FBXW8: variants seen among roughly 807,000 people sequenced by gnomAD.
FBXW8 encodes the protein F-box and WD repeat domain containing 8.
Under a neutral mutation model 65.3 loss-of-function variants are expected in FBXW8, and 57 were observed. The ratio of observed to expected loss-of-function variants is 0.87; its 90% CI spans 0.71 to 1.09. The LOEUF (loss-of-function observed/expected upper bound fraction) is 1.09, where lower values mean the gene tolerates loss of function less well. Ranked by LOEUF, FBXW8 falls within the 50% of genes least tolerant of loss-of-function variation. The probability of loss-of-function intolerance (pLI) is 0.00; values close to 1 mark genes in which losing one functional copy is unlikely to be tolerated. For missense variants in FBXW8, 777 were observed against 814.8 expected, an observed-to-expected ratio of 0.95 and a Z score of 0.57; for synonymous variants, 308 against 330.2, an observed-to-expected ratio of 0.93 and a Z score of 0.73.
In FBXW8 at chr12:117,030,263, A is replaced by G. The variant is rs1289691142; in HGVS notation, c.*2091A>G. 6.6e-6 allele frequency: 1 copy of G among 152,194 alleles called. No homozygotes were observed. The highest frequency in any genetic ancestry group is 1.5e-5 in the Non-Finnish European group (1 of 68,042). 9.4% of individuals were successfully genotyped at this position (152,194 alleles called of 1,614,324 possible). On this transcript the variant is annotated 3_prime_UTR_variant, in exon 11 of 11. Transcript: ENST00000652555. Reference sequence around the variant, plus strand: ...TGGGAAGCGTCACCTTCCCGTCCAGAGCGCTTTCTTTCAGACCCTGCCTAC... The same window carrying G: ...TGGGAAGCGTCACCTTCCCGTCCAGGGCGCTTTCTTTCAGACCCTGCCTAC...
At chr12:117,020,354 G>A (rs1220571174) in intron 8 of FBXW8, among the ~76,000 whole-genome samples, 1 of 152,138 alleles carries the variant, frequency 6.6e-6, no homozygotes, top group African/African-American at 2.4e-5. Flanking sequence ...TCTTAGATAT[G>A]TATTTTGTGT....
intron 2 of FBXW8, among the ~76,000 whole-genome samples, chr12:116,934,101 C>G (rs1183299188): frequency 6.6e-6 from 1 of 152,090 alleles, no homozygotes; most frequent in Non-Finnish European, 1.5e-5. Context: ...TACTGGGAGG[C>G]CTTTGAGATT....
intron 7 of FBXW8, among the ~76,000 whole-genome samples, chr12:117,000,118 A>G (rs1490126651): frequency 6.6e-6 from 1 of 151,560 alleles, no homozygotes; most frequent in Admixed American, 6.6e-5. Context: ...AGTAGCTGGG[A>G]CTACAGGCGC....
At position 116,996,337 on chromosome 12, in the gene FBXW8, G is replaced by A. The variant is rs557245719; in HGVS notation, c.1239+7468G>A. On this transcript the variant is annotated intron_variant, in intron 7 of 10. Coordinates refer to ENST00000652555, the MANE Select transcript of FBXW8 (RefSeq NM_153348.3). ...CTTATGATAATTATTCCCCATACAC[G>A]GACGTGAAGAGACTCTGGATTGGTT... is the stretch of plus-strand genomic sequence containing the variant. 2.6e-5 allele frequency among the ~76,000 whole-genome samples: 4 copies of A among 152,140 alleles called. No homozygotes were observed. In the East Asian group the frequency reaches 7.7e-4, roughly 29 times the overall value.
intron 4 of FBXW8, among the ~76,000 whole-genome samples, chr12:116,960,478 CA>C (rs1565915180): frequency 6.6e-6 from 1 of 152,142 alleles, no homozygotes; most frequent in Non-Finnish European, 1.5e-5. Context: ...ACCTTTTGGT[CA>C]TGGAGAATGA....
rs1411692959 is a variant in FBXW8 at position 117,028,160 on chromosome 12, T to G, written c.1785T>G (p.Tyr595Ter). The change falls in exon 11 of 11, where the codon TAT becomes TAG. Residue 595 changes from tyrosine to a stop codon, truncating the protein, a stop_gained. Coordinates refer to ENST00000652555, the MANE Select transcript of FBXW8 (RefSeq NM_153348.3). LOFTEE classifies it high-confidence loss of function. The surrounding 1 kb of genome is among the most constrained non-coding windows in gnomAD (Gnocchi z 4.1). ...HYYDLALAFPYNHV is the reference protein window; with the variant it reads ...HYYDLALAFP Reference sequence around the variant, plus strand: ...ACGACCTCGCACTGGCCTTTCCCTATAACCATGTTTAGGGATGTGCCTCAG... The same window carrying G: ...ACGACCTCGCACTGGCCTTTCCCTAGAACCATGTTTAGGGATGTGCCTCAG... The G allele has an allele frequency of 6.2e-7, 1 of 1,614,106 alleles. No individual in the cohort carries two copies. Among genetic ancestry groups the G allele is most frequent in the Admixed American group, 1.7e-5 (1 of 60,022 alleles).
At chr12:117,014,585 TTTG>T (rs1430405331) in intron 8 of FBXW8, among the ~76,000 whole-genome samples, 3 of 152,222 alleles carry the variant, frequency 2.0e-5, no homozygotes, top group Non-Finnish European at 4.4e-5. Flanking sequence ...ACGAATGATT[TTTG>T]TTTTGTTTTG....
In FBXW8 at chr12:117,024,178, A is replaced by G. The variant is rs745387186; in HGVS notation, c.1399A>G (p.Ile467Val). The G allele has an allele frequency of 7.4e-6, 12 of 1,614,126 alleles. No homozygotes were observed. Among genetic ancestry groups the G allele is most frequent in the South Asian group, 2.2e-5 (2 of 91,078 alleles). ...GATCCACGACCTCCGCAGTGGTAAC[A>G]TCGCCCTGTCGCTCTCCGCCCATCA... ...VRIHDLRSGN[I>V]ALSLSAHQLR... is the part of the protein sequence containing the mutation. Residue 467 changes from isoleucine to valine, a missense_variant, in exon 9 of 11, where the codon ATC becomes GTC. Ile to Val is a conservative substitution (Grantham distance 29, BLOSUM62 3). Coordinates refer to ENST00000652555, the MANE Select transcript of FBXW8 (RefSeq NM_153348.3).
chr12:116,940,485 A>G (rs1252239479), intron 2 of FBXW8, among the ~76,000 whole-genome samples: 1 of 119,736 alleles, frequency 8.4e-6, no homozygotes, highest in Non-Finnish European at 1.9e-5. Flanking sequence ...TGGTGGAAGG[A>G]TGGTGGGCTT....
intron 6 of FBXW8, 32 bp downstream of exon 6, chr12:116,985,434 T>C (rs1217834369): frequency 2.5e-6 from 4 of 1,598,704 alleles, no homozygotes; most frequent in African/African-American, 2.7e-5. Flanking sequence ...TCTTATTTTC[T>C]ATTCTTAGAA....
At position 117,028,275 on chromosome 12, in the gene FBXW8, G is replaced by T. The variant is rs759982690; in HGVS notation, c.*103G>T. The T allele has an allele frequency of 2.8e-6, 4 of 1,425,484 alleles. No homozygotes were observed. The highest frequency in any genetic ancestry group is 3.8e-6 in the Non-Finnish European group (4 of 1,050,904). The allele number at this position is 1,425,484 out of a possible 1,614,324, so 88.3% of individuals were successfully genotyped here. A position where few individuals can be genotyped will look rare whatever the true frequency, so the allele number is the denominator to read the frequency against. Reference sequence around the variant, plus strand: ...CACAGGTGGTAAACATTTAGGGGAAGAAAGCAGCCCAGGGTGCCATGCCTG... The same window carrying T: ...CACAGGTGGTAAACATTTAGGGGAATAAAGCAGCCCAGGGTGCCATGCCTG... On this transcript the variant is annotated 3_prime_UTR_variant, in exon 11 of 11. Transcript: ENST00000652555. This position sits in a 1 kb window ranked among gnomAD's most constrained non-coding sequence, Gnocchi z 4.1.
intron 8 of FBXW8, 86 bp downstream of exon 8, chr12:117,010,536 TCTCA>T: frequency 6.3e-7 from 1 of 1,582,944 alleles, no homozygotes; most frequent in Non-Finnish European, 8.6e-7. Context: ...ACTGCCCGGT[TCTCA>T]CTCAACAGCT....
In FBXW8 at chr12:117,024,191, T is replaced by A; in HGVS notation, c.1412T>A (p.Leu471His). ...DLRSGNIALS[L>H]SAHQLRVSAV... ...CGCAGTGGTAACATCGCCCTGTCGC[T>A]CTCCGCCCATCAGCTCAGGGTCTCT... Residue 471 changes from leucine (L) to histidine (H), a missense_variant, in exon 9 of 11, where the codon CTC (leucine) becomes CAC (histidine). Leu to His is a moderately conservative substitution (Grantham distance 99). Transcript: ENST00000652555. 1.9e-6 allele frequency: 3 copies of A among 1,614,152 alleles called. No individual in the cohort carries two copies. The highest frequency in any genetic ancestry group is 2.5e-6 in the Non-Finnish European group (3 of 1,180,030).
intron 8 of FBXW8, among the ~76,000 whole-genome samples, chr12:117,018,122 G>A (rs1257236077): frequency 2.6e-5 from 4 of 152,146 alleles, no homozygotes; most frequent in African/African-American, 7.2e-5. Flanking sequence ...CTCCTCTGTT[G>A]GAGTCTTTGG....
Position 116,944,485 on chromosome 12 carries a change from C to A in FBXW8, c.424-879C>A, listed in dbSNP as rs2393111. Among the ~76,000 whole-genome samples the A allele has an allele frequency of 9.1e-4, 138 of 152,088 alleles. 1 individual carries two copies. Among genetic ancestry groups the A allele is most frequent in the Admixed American group, 9.0e-3 (138 of 15,292 alleles). On this transcript the variant is annotated intron_variant, in intron 2 of 10. Coordinates refer to ENST00000652555, the MANE Select transcript of FBXW8 (RefSeq NM_153348.3). ...AGAGTACAGGGTACTGTAACCTACCCGCTACCACTCTTCATTAGAAGTGAG... is the reference window on the plus strand; with the variant it reads ...AGAGTACAGGGTACTGTAACCTACCAGCTACCACTCTTCATTAGAAGTGAG...
At chr12:116,917,862 C>G (rs920108542) in intron 1 of FBXW8, among the ~76,000 whole-genome samples, 3 of 151,934 alleles carry the variant, frequency 2.0e-5, no homozygotes, top group Admixed American at 6.6e-5. Flanking sequence ...TGTGGTGGCA[C>G]GTGCCTGTAG....
intron 2 of FBXW8, among the ~76,000 whole-genome samples, chr12:116,942,139 C>T (rs1882609772): frequency 6.6e-6 from 1 of 152,032 alleles, no homozygotes; most frequent in African/African-American, 2.4e-5. Flanking sequence ...AGCAATCCTC[C>T]TGCCTCAGTC....
chr12:116,935,238 A>G (rs546424581), intron 2 of FBXW8, among the ~76,000 whole-genome samples: 1 of 152,326 alleles, frequency 6.6e-6, no homozygotes, highest in African/African-American at 2.4e-5. Flanking sequence ...AGCAAAATAA[A>G]TAAGTAATTC....
rs144339819 is a variant in FBXW8 at position 116,976,261 on chromosome 12, G to A, written c.836-8945G>A. Among the ~76,000 whole-genome samples the A allele has an allele frequency of 3.1e-4, 47 of 152,192 alleles. 1 individual carries two copies. In the South Asian group the frequency reaches 3.5e-3, roughly 11 times the overall value. On this transcript the variant is annotated intron_variant, in intron 5 of 10. Transcript: ENST00000652555. ...TGCTGTCTGGCTGACTTGGAGGCCT[G>A]AGATTAGATGGTACCCTTGTGTTCT...
Sources: gnomAD v4.1 joint callset for allele counts (sites outside exome capture counted in the v4.1 genomes callset) on GRCh38, gnomAD v4.1.1 for gene constraint, Gnocchi (gnomAD v3.1) non-coding constraint, MANE v1.5 for transcripts, NCBI Gene and HGNC (gene_info 2026-07-23, HGNC 2026-07-21) for gene names.